SLC24A2: variants seen among roughly 807,000 people sequenced by gnomAD.
SLC24A2 encodes the protein sodium/potassium/calcium exchanger 2.
A neutral mutation model predicts 62.0 loss-of-function variants in SLC24A2; 36 were observed. The observed-to-expected ratio is 0.58, with a 90% CI of 0.44 to 0.77. The LOEUF (loss-of-function observed/expected upper bound fraction) is 0.77, where lower values mean the gene tolerates loss of function less well. Among genes scored for constraint, SLC24A2 ranks in the 30% least tolerant of loss-of-function variants. SLC24A2 has a pLI of 0.00. For synonymous variants in SLC24A2, 358 were observed against 294.0 expected, an observed-to-expected ratio of 1.22 and a Z score of -2.23; for missense variants, 846 against 817.9, an observed-to-expected ratio of 1.03 and a Z score of -0.42.
the SLC24A2 span, among the ~76,000 whole-genome samples, chr9:20,071,925 G>A: frequency 6.6e-6 from 1 of 152,204 alleles, no homozygotes; most frequent in African/African-American, 2.4e-5. Context: ...GATTTATCAT[G>A]AAGGATATTT....
At chr9:19,790,214 G>A (rs959862804), upstream of SLC24A2, among the ~76,000 whole-genome samples, 1 of 152,074 alleles carries the variant, frequency 6.6e-6, no homozygotes, top group African/African-American at 2.4e-5. Context: ...GCAGACTATA[G>A]GTGCCTGACT....
At chr9:20,100,257 TGC>T in the SLC24A2 span, among the ~76,000 whole-genome samples, 1 of 152,122 alleles carries the variant, frequency 6.6e-6, no homozygotes, top group Non-Finnish European at 1.5e-5. Context: ...GACAGGGTTT[TGC>T]CATGTCGCCC....
chr9:19,619,739 A>C (rs777693316), intron 3 of SLC24A2, 47 bp from the exon 4 acceptor site: 4 of 1,413,740 alleles, frequency 2.8e-6, no homozygotes, highest in Non-Finnish European at 3.0e-6. Flanking sequence ...AATGAAAGAC[A>C]AGTGCATTAT....
At chr9:20,273,522 T>C in the SLC24A2 span, among the ~76,000 whole-genome samples, 3 of 152,172 alleles carry the variant, frequency 2.0e-5, no homozygotes, top group East Asian at 1.9e-4. Flanking sequence ...GTTCTCATGA[T>C]AGTGAATGGG....
the SLC24A2 span, among the ~76,000 whole-genome samples, chr9:20,297,825 T>C: frequency 6.6e-6 from 1 of 152,138 alleles, no homozygotes. Flanking sequence ...GGACGGAACA[T>C]CCTTTGCTCA....
At chr9:19,692,828 G>C (rs1182966492) in intron 2 of SLC24A2, among the ~76,000 whole-genome samples, 1 of 152,130 alleles carries the variant, frequency 6.6e-6, no homozygotes, top group African/African-American at 2.4e-5. Flanking sequence ...ATAAAAATTT[G>C]TTAGATGAAT....
the SLC24A2 span, among the ~76,000 whole-genome samples, chr9:19,980,801 G>C: frequency 6.6e-6 from 1 of 152,122 alleles, no homozygotes; most frequent in East Asian, 1.9e-4. Context: ...AAATTGTTGA[G>C]AGTTAAATGG....
intron 2 of SLC24A2, among the ~76,000 whole-genome samples, chr9:19,659,951 T>C (rs944451558): frequency 2.0e-5 from 3 of 152,172 alleles, no homozygotes; most frequent in Non-Finnish European, 2.9e-5. Context: ...GTACCCTCAT[T>C]TTTAAGGTGA....
the SLC24A2 span, among the ~76,000 whole-genome samples, chr9:20,100,032 T>G: frequency 1.3e-5 from 2 of 152,138 alleles, no homozygotes; most frequent in East Asian, 3.9e-4. Flanking sequence ...TTTTTTTTTC[T>G]TTTTTAGACA....
chr9:19,918,630 G>A, the SLC24A2 span, among the ~76,000 whole-genome samples: 5 of 152,234 alleles, frequency 3.3e-5, no homozygotes, highest in East Asian at 5.8e-4. Context: ...AGAGTCTTGC[G>A]TGTGTTTCCC....
At chr9:19,970,346 G>A in the SLC24A2 span, among the ~76,000 whole-genome samples, 1 of 152,120 alleles carries the variant, frequency 6.6e-6, no homozygotes, top group Non-Finnish European at 1.5e-5. Context: ...CAAGTTTTAT[G>A]TAAATTAAAA....
the SLC24A2 span, among the ~76,000 whole-genome samples, chr9:20,178,989 A>G: frequency 6.6e-6 from 1 of 152,128 alleles, no homozygotes; most frequent in Admixed American, 6.6e-5. Context: ...TCACACTTCA[A>G]TCACTTGGGG....
At chr9:20,079,054 C>T in the SLC24A2 span, among the ~76,000 whole-genome samples, 1 of 143,228 alleles carries the variant, frequency 7.0e-6, no homozygotes, top group Non-Finnish European at 1.6e-5. Context: ...TAATTAAGAA[C>T]CTTGAGATAA....
chr9:19,721,569 CAATT>C (rs1301051488), intron 2 of SLC24A2, among the ~76,000 whole-genome samples: 1 of 151,782 alleles, frequency 6.6e-6, no homozygotes, highest in Middle Eastern at 3.2e-3. Context: ...AAAATCAGGG[CAATT>C]AATAAAGAAA....
At chr9:20,128,836 C>A in the SLC24A2 span, among the ~76,000 whole-genome samples, 1 of 152,024 alleles carries the variant, frequency 6.6e-6, no homozygotes, top group South Asian at 2.1e-4. Flanking sequence ...AGACATAAAA[C>A]TCTTTGAAGA....
the SLC24A2 span, among the ~76,000 whole-genome samples, chr9:19,987,331 T>C: frequency 6.6e-6 from 1 of 152,230 alleles, no homozygotes; most frequent in Admixed American, 6.5e-5. Context: ...AGCAAAATTC[T>C]CTTCTGAATG....
At chr9:19,772,758 G>T (rs1490705285) in intron 2 of SLC24A2, among the ~76,000 whole-genome samples, 1 of 152,166 alleles carries the variant, frequency 6.6e-6, no homozygotes. Flanking sequence ...AAGCAAAATG[G>T]TCCAGGGGCT....
At chr9:19,833,699 G>A in the SLC24A2 span, among the ~76,000 whole-genome samples, 1 of 152,352 alleles carries the variant, frequency 6.6e-6, no homozygotes, top group Non-Finnish European at 1.5e-5. Context: ...AGACTTAAAT[G>A]TCCCTGTGTG....
the SLC24A2 span, among the ~76,000 whole-genome samples, chr9:20,044,964 T>G: frequency 1.1e-3 from 164 of 152,224 alleles, 1 homozygote; most frequent in Non-Finnish European, 1.8e-3. Context: ...TCAACAATAC[T>G]GGGGACCATT....
Sources: gnomAD v4.1 joint callset for allele counts (sites outside exome capture counted in the v4.1 genomes callset) on GRCh38, gnomAD v4.1.1 for gene constraint, MANE v1.5 for transcripts, NCBI Gene and HGNC (gene_info 2026-07-23, HGNC 2026-07-21) for gene names.